CDH16: variants seen among roughly 807,000 people sequenced by gnomAD.
CDH16 encodes cadherin 16, also known as cadherin-16.
CDH16 carries 79 observed loss-of-function variants against 87.6 expected under a neutral mutation model. The ratio of observed to expected loss-of-function variants is 0.90; its 90% CI spans 0.75 to 1.09. The LOEUF (loss-of-function observed/expected upper bound fraction) is 1.09. Among genes scored for constraint, CDH16 ranks in the 50% least tolerant of loss-of-function variants. The pLI is 0.00. For missense variants in CDH16, 1,124 were observed against 1,071.7 expected (o/e 1.05, Z -0.68); for synonymous variants, 457 against 439.5 (o/e 1.04, Z -0.50).
intron 5 of CDH16, 170 bp from the exon 6 acceptor site, chr16:66,915,548 A>T (rs1269561869): frequency 2.0e-5 from 14 of 694,940 alleles, no homozygotes; most frequent in Non-Finnish European, 3.3e-5. Context: ...ACTGAAGCCA[A>T]GAATGGATGG....
Position 66,909,834 on chromosome 16 carries a change from G to T in CDH16, c.2275+152C>A. 1 of 635,636 alleles carries T rather than the reference G, an allele frequency of 1.6e-6. No individual in the cohort carries two copies. Among genetic ancestry groups the T allele is most frequent in the African/African-American group, 1.8e-5 (1 of 54,758 alleles). The allele number at this position is 635,636 out of a possible 1,614,324, so 39.4% of individuals were successfully genotyped here. The stretch of plus-strand genomic sequence containing the variant: ...TGTGCCTCTGTGCCTGTTCCTGTGT[G>T]CCCAGGTATGTGTGCCCAGCCATAG... On this transcript the variant is annotated intron_variant, in intron 16 of 17. Transcript: ENST00000299752. This position sits in a 1 kb window ranked among gnomAD's most constrained non-coding sequence, Gnocchi z 4.1.
intron 17 of CDH16, among the ~76,000 whole-genome samples, chr16:66,908,728 C>T (rs1175635063): frequency 6.6e-6 from 1 of 152,174 alleles, no homozygotes; most frequent in African/African-American, 2.4e-5. Context: ...GTCCCCTTCT[C>T]TTGGGGACAT....
At position 66,912,319 on chromosome 16, in the gene CDH16, C is replaced by T; in HGVS notation, c.1471G>A (p.Glu491Lys). The T allele has an allele frequency of 6.2e-7, 1 of 1,614,186 alleles. No individual in the cohort carries two copies. Among genetic ancestry groups the T allele is most frequent in the Non-Finnish European group, 8.5e-7 (1 of 1,180,032 alleles). The change falls in exon 12 of 18, where the codon GAG becomes AAG. Residue 491 changes from glutamate (E) to lysine (K), a missense_variant. Transcript: ENST00000299752. ...AAAGTCCCTTCTGTGTCTCCCCTCT[C>T]AATGGCAAAATCCATGAGGCGGAAG... ...PAFRLMDFAI[E>K]RGDTEGTFGL...
At position 66,916,508 on chromosome 16, in the gene CDH16, T is replaced by C. The variant is rs1567536988; in HGVS notation, c.130-79A>G. Reference sequence around the variant, plus strand: ...CCTCCTCCACCTGATGGCCTCATTTTACATGTGGGGAAACTGAGTCTCAGA... The same window carrying C: ...CCTCCTCCACCTGATGGCCTCATTTCACATGTGGGGAAACTGAGTCTCAGA... On this transcript the variant is annotated intron_variant, in intron 3 of 17. Coordinates refer to ENST00000299752, the MANE Select transcript of CDH16 (RefSeq NM_004062.4). The surrounding 1 kb of genome is among the most constrained non-coding windows in gnomAD (Gnocchi z 4.1). The C allele has an allele frequency of 8.2e-6, 12 of 1,456,348 alleles. No individual in the cohort carries two copies. Among genetic ancestry groups the C allele is most frequent in the Non-Finnish European group, 1.1e-5 (12 of 1,095,052 alleles). The allele number at this position is 1,456,348 out of a possible 1,614,324, so 90.2% of individuals were successfully genotyped here.
rs983700327 is a variant in CDH16, at chr16:66,912,777, G to A, written c.1169C>T (p.Ala390Val). 16 of 1,613,628 alleles carry A rather than the reference G, an allele frequency of 9.9e-6. No homozygotes were observed. In the African/African-American group the frequency reaches 2.0e-4, roughly 20 times the overall value. Reference sequence around the variant, plus strand: ...GCCTGAAGTGGGGTCCACCTGGAAGGCTCTCCCCTCTACCCCATCCTCAGG... The same window carrying A: ...GCCTGAAGTGGGGTCCACCTGGAAGACTCTCCCCTCTACCCCATCCTCAGG... ...PEPEDGVEGR[A>V]FQVDPTSGSV... The change falls in exon 10 of 18, where the codon GCC (alanine) becomes GTC (valine). Residue 390 changes from alanine to valine, a missense_variant. Physicochemically the swap from Ala to Val is moderately conservative, Grantham distance 64. Transcript: ENST00000299752.
At chr16:66,910,189 G>A in intron 15 of CDH16, 71 bp downstream of exon 15, 1 of 1,555,196 alleles carries the variant, frequency 6.4e-7, no homozygotes, top group Non-Finnish European at 8.7e-7. Context: ...ATGGTAGAAG[G>A]GTATCTCACT....
chr16:66,911,071 T>G lies in CDH16; in HGVS notation c.1924+111A>C, dbSNP rs373828934. 112 of 1,072,212 alleles carry G rather than the reference T, an allele frequency of 1.0e-4. No individual in the cohort carries two copies. In the African/African-American group the frequency reaches 1.5e-3, roughly 15 times the overall value. The allele number at this position is 1,072,212 out of a possible 1,614,324, so 66.4% of individuals were successfully genotyped here. ...CCAGCTTCATATCTGCCTCTCCTGC[T>G]TGGGGCTGGGGGTTGCCAGTGAGGG... On this transcript the variant is annotated intron_variant, in intron 14 of 17. Transcript: ENST00000299752.
chr16:66,915,753 G>A (rs537484836), intron 5 of CDH16, among the ~76,000 whole-genome samples: 8 of 152,250 alleles, frequency 5.3e-5, no homozygotes, highest in East Asian at 1.9e-4. Flanking sequence ...AAAATTAGCC[G>A]GGCATGGTGG....
In CDH16 at chr16:66,916,722, T is replaced by C. The variant is rs1373289035; in HGVS notation, c.130-293A>G. Among the ~76,000 whole-genome samples, 1 of 152,116 alleles carries C rather than the reference T, an allele frequency of 6.6e-6. No individual in the cohort carries two copies. On this transcript the variant is annotated intron_variant, in intron 3 of 17. Transcript: ENST00000299752. This position sits in a 1 kb window ranked among gnomAD's most constrained non-coding sequence, Gnocchi z 4.1. ...GCTCTCCACTAGGATTAAAATCTGT[T>C]AGTCATTCCCACTGCAGGTTGAGCA...
chr16:66,915,127 C>G, intron 6 of CDH16, 93 bp downstream of exon 6: 1 of 1,293,416 alleles, frequency 7.7e-7, no homozygotes, highest in East Asian at 2.4e-5. Context: ...TTTTACCTCT[C>G]AAGCTCCCAC....
At chr16:66,910,526 T>C in intron 14 of CDH16, 24 bp from the exon 15 acceptor site, 1 of 1,470,570 alleles carries the variant, frequency 6.8e-7, no homozygotes, top group African/African-American at 1.4e-5. Context: ...AGTGCTGAGC[T>C]GGCCAGGTGT....
At chr16:66,912,180 A>T (rs1265204912) in intron 12 of CDH16, 40 bp from the exon 13 acceptor site, 1 of 1,604,110 alleles carries the variant, frequency 6.2e-7, no homozygotes, top group African/African-American at 1.3e-5. Flanking sequence ...GGGCCTGGGC[A>T]AGGCACATGT....
At chr16:66,910,156 C>A in intron 15 of CDH16, 63 bp from the exon 16 acceptor site, 1 of 1,561,606 alleles carries the variant, frequency 6.4e-7, no homozygotes, top group Non-Finnish European at 8.7e-7. Context: ...GGGGCTGCTC[C>A]CCCTAGGCCT....
chr16:66,918,023 G>C lies in CDH16; in HGVS notation c.43C>G (p.Gln15Glu), dbSNP rs763564980. ...AGAGGGGGCAGGGCCTAGCTCACCT[G>C]GGGGACGGAGACACAAAGCAGCCAC... ...WLWLLCVSVP[Q>E]ALPKAQPAEL... is the part of the protein sequence containing the mutation. Residue 15 changes from glutamine to glutamate, a missense_variant and splice_region_variant, in exon 2 of 18, where the codon CAG (glutamine) becomes GAG (glutamate). Coordinates refer to ENST00000299752, the MANE Select transcript of CDH16 (RefSeq NM_004062.4). 3.2e-6 allele frequency: 5 copies of C among 1,580,024 alleles called. No individual in the cohort carries two copies. In the African/African-American group the frequency reaches 5.4e-5, roughly 17 times the overall value.
intron 3 of CDH16, among the ~76,000 whole-genome samples, chr16:66,917,326 C>G (rs1190620421): frequency 6.6e-6 from 1 of 151,994 alleles, no homozygotes; most frequent in Admixed American, 6.6e-5. Context: ...TATAACGTTA[C>G]CTTCAGGCTA....
In CDH16 at chr16:66,913,267, C is replaced by T. The variant is rs753325560; in HGVS notation, c.918G>A (p.Val306=). Residue 306 remains valine (V), a synonymous_variant, in exon 9 of 18, where the codon GTG becomes GTA. Coordinates refer to ENST00000299752, the MANE Select transcript of CDH16 (RefSeq NM_004062.4). Reference sequence around the variant, plus strand: ...CCTCGCCATGGGAATTCTGAGCCCGCACCTGGAGCAGGTACTGCGGTGGGC... The same window carrying T: ...CCTCGCCATGGGAATTCTGAGCCCGTACCTGGAGCAGGTACTGCGGTGGGC... The part of the protein sequence containing the change: ...REAQAEYLLQ[V]RAQNSHGEDY... 6 of 1,555,954 alleles carry T rather than the reference C, an allele frequency of 3.9e-6. No homozygotes were observed. In the Admixed American group the frequency reaches 1.1e-4, roughly 29 times the overall value.
chr16:66,918,130 C>T, intron 1 of CDH16, 52 bp from the exon 2 acceptor site: 1 of 1,278,274 alleles, frequency 7.8e-7, no homozygotes. Context: ...GAGGGGCTTT[C>T]CATCCCACAC....
intron 17 of CDH16, among the ~76,000 whole-genome samples, chr16:66,908,885 C>A: frequency 6.6e-6 from 1 of 152,208 alleles, no homozygotes; most frequent in Non-Finnish European, 1.5e-5. Context: ...GTGGCTTAGA[C>A]TGATGCAATT....
intron 7 of CDH16, 21 bp downstream of exon 7, chr16:66,914,195 C>T (rs749267390): frequency 1.9e-6 from 3 of 1,602,230 alleles, no homozygotes; most frequent in African/African-American, 2.7e-5. Context: ...CTGCTTCAGC[C>T]ACTGACAGCC....
Sources: allele counts gnomAD v4.1 joint callset (sites outside exome capture counted in the v4.1 genomes callset), GRCh38; gene constraint gnomAD v4.1.1; non-coding constraint Gnocchi (gnomAD v3.1); transcripts MANE v1.5; gene names NCBI Gene and HGNC (gene_info 2026-07-23, HGNC 2026-07-21).